Variants in ITPR1 observed in about 807,000 individuals in gnomAD.
ITPR1 encodes the protein inositol 1,4,5-trisphosphate receptor type 1.
A neutral mutation model predicts 318.4 loss-of-function variants in ITPR1; 96 were observed. That is an observed-to-expected ratio of 0.30 (90% confidence interval 0.26 to 0.36). ITPR1 has a LOEUF of 0.36. ITPR1 is among the 10% of genes least tolerant of loss of function. ITPR1 has a pLI of 1.00. For missense variants in ITPR1, 2,440 were observed against 3,460.2 expected, an observed-to-expected ratio of 0.71 and a Z score of 7.40; for synonymous variants, 1,312 against 1,289.9, an observed-to-expected ratio of 1.02 and a Z score of -0.37.
chr3:4,758,423 A>G (rs2045176923), intron 44 of ITPR1, among the ~76,000 whole-genome samples: 1 of 152,198 alleles, frequency 6.6e-6, no homozygotes, highest in Non-Finnish European at 1.5e-5. Context: ...CTTGCAGCTA[A>G]GATGCCACAA....
At chr3:4,646,020 G>C in intron 10 of ITPR1, 1 of 324,850 alleles carries the variant, frequency 3.1e-6, no homozygotes, top group Non-Finnish European at 5.7e-6. Flanking sequence ...GAAAGAATAA[G>C]TACTTTGGAA....
chr3:4,777,207 T>C, intron 47 of ITPR1, 57 bp from the exon 48 acceptor site: 2 of 1,040,416 alleles, frequency 1.9e-6, no homozygotes, highest in Admixed American at 4.0e-5. Context: ...CTGTTGGCCT[T>C]TGACGTCTGA....
intron 48 of ITPR1, among the ~76,000 whole-genome samples, chr3:4,777,610 G>T (rs1380385124): frequency 6.6e-6 from 1 of 152,194 alleles, no homozygotes; most frequent in African/African-American, 2.4e-5. Flanking sequence ...ACAGAATGAA[G>T]ATTCCTTGCT....
At chr3:4,788,445 G>A (rs1340189936) in intron 52 of ITPR1, among the ~76,000 whole-genome samples, 2 of 152,132 alleles carry the variant, frequency 1.3e-5, no homozygotes, top group African/African-American at 2.4e-5. Flanking sequence ...AAAAGAAAAG[G>A]GAAAAGCCCA....
intron 40 of ITPR1, among the ~76,000 whole-genome samples, chr3:4,719,788 G>T (rs542347279): frequency 1.7e-3 from 265 of 152,272 alleles, no homozygotes; most frequent in African/African-American, 6.1e-3. Context: ...GGTCTTCCCC[G>T]CTGCATTCTA....
rs534610252 is a variant in ITPR1, at chr3:4,660,877, A to G, written c.1152-111A>G. 5 of 556,986 alleles carry G rather than the reference A, an allele frequency of 9.0e-6. No homozygotes were observed. The African/African-American group carries it at 9.5e-5, about 11-fold the overall frequency. 34.5% of individuals were successfully genotyped at this position (556,986 alleles called of 1,614,324 possible). On this transcript the variant is annotated intron_variant, in intron 13 of 61. Transcript: ENST00000649015. ...TTCGTGTATACTGCCCAGTGTATGC[A>G]GTAGGAAACCACTTTGCTATTTCTA... is the stretch of plus-strand genomic sequence containing the variant.
In ITPR1 at chr3:4,697,455, C is replaced by CTT. The variant is rs369934199; in HGVS notation, c.4407+196_4407+197dup. Among the ~76,000 whole-genome samples the CTT allele has an allele frequency of 6.9e-5, 6 of 86,754 alleles. 1 individual carries two copies. The East Asian group carries it at 7.0e-4, about 10-fold the overall frequency. The allele number at this position is 86,754 out of a possible 152,430, so 56.9% of individuals were successfully genotyped here. A position where few individuals can be genotyped will look rare whatever the true frequency, so the allele number is the denominator to read the frequency against. On this transcript the variant is annotated intron_variant, in intron 34 of 61. Transcript: ENST00000649015. ...CTTTCTTCTCATGTATCCTTTCTTCCTTTTTTTTTTTTTTGAGCTGGAGTC... is the reference window on the plus strand; with the variant it reads ...CTTTCTTCTCATGTATCCTTTCTTCCTTTTTTTTTTTTTTTTGAGCTGGAGTC...
At position 4,614,659 on chromosome 3, in the gene ITPR1, C is replaced by T. The variant is rs78997103; in HGVS notation, c.164-13104C>T. Among the ~76,000 whole-genome samples the T allele has an allele frequency of 5.1e-3, 781 of 152,314 alleles. 5 individuals are homozygous for T. The highest frequency in any genetic ancestry group is 9.2e-3 in the Non-Finnish European group (624 of 68,036). On this transcript the variant is annotated intron_variant, in intron 4 of 61. Coordinates refer to ENST00000649015, the MANE Select transcript of ITPR1 (RefSeq NM_001378452.1). ...TTTAGTGCTTCCAGGTCTAGATTTTCTGCTAGACGCATGACATGCAACTTG... is the reference window on the plus strand; with the variant it reads ...TTTAGTGCTTCCAGGTCTAGATTTTTTGCTAGACGCATGACATGCAACTTG...
intron 18 of ITPR1, among the ~76,000 whole-genome samples, chr3:4,668,214 A>ATTTTTTTTTTTTTTTTTTTTTTT (rs60932812): frequency 8.5e-6 from 1 of 117,690 alleles, no homozygotes; most frequent in Admixed American, 8.8e-5. Flanking sequence ...CGTTCTTTCT[A>ATTTTTTTTTTTTTTTTTTTTTTT]TTTTTTTTTT....
At chr3:4,558,405 G>A (rs1342426697) in intron 4 of ITPR1, among the ~76,000 whole-genome samples, 3 of 152,032 alleles carry the variant, frequency 2.0e-5, no homozygotes, top group Non-Finnish European at 4.4e-5. Flanking sequence ...TCAATTTATA[G>A]ACAAATTACA....
At chr3:4,497,044 C>T (rs2080638857) in intron 2 of ITPR1, among the ~76,000 whole-genome samples, 1 of 123,754 alleles carries the variant, frequency 8.1e-6, no homozygotes, top group Non-Finnish European at 1.7e-5. Flanking sequence ...TGTCTGTTAA[C>T]CAGAAGTCCA....
At position 4,663,065 on chromosome 3, in the gene ITPR1, G is replaced by C; in HGVS notation, c.1413G>C (p.Arg471Ser). 6.2e-7 allele frequency: 1 copy of C among 1,613,446 alleles called. No homozygotes were observed. The highest frequency in any genetic ancestry group is 8.5e-7 in the Non-Finnish European group (1 of 1,179,564). The change falls in exon 16 of 62, where the codon AGG (arginine) becomes AGC (serine). Residue 471 changes from arginine to serine, a missense_variant and splice_region_variant. By Grantham distance (110) the Arg-to-Ser change is moderately radical. Around this residue, in one of 23 missense-constraint regions of ITPR1, gnomAD observed 478 missense variants for 696.3 expected, o/e 0.69. Transcript: ENST00000649015. Reference protein sequence around the residue: ...EKGTITQNERRSVTKLLEDLV... With the variant: ...EKGTITQNERSSVTKLLEDLV... Reference sequence around the variant, plus strand: ...CTCTAATAGCGTCTTTCCTCCTAAGGTCTGTAACCAAGCTGCTAGAAGATT... The same window carrying C: ...CTCTAATAGCGTCTTTCCTCCTAAGCTCTGTAACCAAGCTGCTAGAAGATT...
intron 29 of ITPR1, among the ~76,000 whole-genome samples, chr3:4,684,574 G>C (rs142069541): frequency 6.6e-6 from 1 of 152,292 alleles, no homozygotes; most frequent in East Asian, 1.9e-4. Flanking sequence ...CTCACCTTTT[G>C]TAGGTGCAAC....
intron 54 of ITPR1, among the ~76,000 whole-genome samples, chr3:4,801,096 G>A (rs2048201494): frequency 6.6e-6 from 1 of 152,162 alleles, no homozygotes; most frequent in Non-Finnish European, 1.5e-5. Context: ...AGTCAGTGGT[G>A]ACATTTAGAA....
intron 2 of ITPR1, among the ~76,000 whole-genome samples, chr3:4,495,369 T>C (rs1330191384): frequency 1.3e-5 from 2 of 152,218 alleles, no homozygotes; most frequent in Non-Finnish European, 2.9e-5. Context: ...GCTACAATCT[T>C]TGGGCTTTTC....
At chr3:4,623,804 C>T (rs11716996) in intron 4 of ITPR1, among the ~76,000 whole-genome samples, 5,196 of 152,288 alleles carry the variant, frequency 0.034, 124 homozygotes, top group Middle Eastern at 0.068. Flanking sequence ...AGGCTAATTT[C>T]GTTCTGTTAC....
intron 4 of ITPR1, among the ~76,000 whole-genome samples, chr3:4,583,314 G>GA (rs896893470): frequency 4.0e-5 from 6 of 151,314 alleles, no homozygotes; most frequent in African/African-American, 1.2e-4. Context: ...GTAGACTTGG[G>GA]AAAAAAAAGT....
intron 39 of ITPR1, among the ~76,000 whole-genome samples, chr3:4,713,099 C>CG: frequency 6.6e-6 from 1 of 151,840 alleles, no homozygotes; most frequent in East Asian, 1.9e-4. Context: ...GTGGGGGGTA[C>CG]GGGGGAAGGC....
intron 15 of ITPR1, 102 bp from the exon 16 acceptor site, chr3:4,662,958 TCTGCC>T (rs2093868714): frequency 3.4e-6 from 3 of 884,436 alleles, no homozygotes; most frequent in Non-Finnish European, 5.4e-6. Flanking sequence ...AAAGTGTGGG[TCTGCC>T]CCTGTTTAAC....
Sources: allele counts gnomAD v4.1 joint callset (sites outside exome capture counted in the v4.1 genomes callset), GRCh38; gene constraint gnomAD v4.1.1; regional missense constraint gnomAD v4.1.1; transcripts MANE v1.5; gene names NCBI Gene and HGNC (gene_info 2026-07-23, HGNC 2026-07-21).